The following MFSD8 variants were observed in gnomAD, a reference collection of about 807,000 sequenced individuals.
The protein encoded by MFSD8 is major facilitator superfamily domain-containing protein 8.
In MFSD8, 55 loss-of-function variants were observed where a neutral mutation model predicts 66.4. The observed-to-expected ratio is 0.83, with a 90% CI of 0.67 to 1.04. The LOEUF (loss-of-function observed/expected upper bound fraction) is 1.04. Among genes scored for constraint, MFSD8 ranks in the 50% least tolerant of loss-of-function variants. MFSD8 has a pLI of 0.00. For missense variants in MFSD8, 550 were observed against 627.6 expected, an observed-to-expected ratio of 0.88 and a Z score of 1.32; for synonymous variants, 202 against 212.8, an observed-to-expected ratio of 0.95 and a Z score of 0.44.
intron 7 of MFSD8, among the ~76,000 whole-genome samples, chr4:127,935,654 T>C (rs1427573495): frequency 2.0e-5 from 3 of 152,206 alleles, no homozygotes; most frequent in Non-Finnish European, 4.4e-5. Context: ...ACACTACATC[T>C]TCTCTAAACT....
At chr4:127,964,912 G>A (rs2149006910) in intron 1 of MFSD8, 160 bp downstream of exon 1, 2 of 832,032 alleles carry the variant, frequency 2.4e-6, no homozygotes, top group African/African-American at 1.7e-5. Flanking sequence ...CTCCTACGTT[G>A]GGAGCGAATC....
At chr4:127,961,754 GAGCTTGC>G (rs1162543953) in intron 1 of MFSD8, among the ~76,000 whole-genome samples, 2 of 147,116 alleles carry the variant, frequency 1.4e-5, no homozygotes, top group African/African-American at 5.0e-5. Context: ...CCGGGAGGCG[GAGCTTGC>G]AGTGAGCCGA....
In MFSD8 at chr4:127,957,607, GA is replaced by G. The variant is rs749859985; in HGVS notation, c.63-16del. The stretch of plus-strand genomic sequence containing the variant: ...TGTCCCATTCTCTAGGTGTAAAGAA[GA>G]AAAAAGTAGTATAAATTTATCTCAT... On this transcript the variant is annotated splice_polypyrimidine_tract_variant and intron_variant, in intron 1 of 11. Transcript: ENST00000641686. 49 of 1,533,666 alleles carry G rather than the reference GA, an allele frequency of 3.2e-5. No individual in the cohort carries two copies. Among genetic ancestry groups the G allele is most frequent in the Non-Finnish European group, 4.3e-5 (48 of 1,110,936 alleles).
intron 2 of MFSD8, 34 bp from the exon 3 acceptor site, chr4:127,949,881 T>C (rs182059984): frequency 5.4e-5 from 84 of 1,556,652 alleles, no homozygotes; most frequent in Admixed American, 6.9e-5. Context: ...TTTATACTTA[T>C]AATAATTTAA....
intron 2 of MFSD8, among the ~76,000 whole-genome samples, chr4:127,951,148 A>C (rs1741887023): frequency 6.6e-6 from 1 of 152,208 alleles, no homozygotes; most frequent in African/African-American, 2.4e-5. Context: ...CATTTAAAGT[A>C]TACAATTCAA....
intron 9 of MFSD8, among the ~76,000 whole-genome samples, chr4:127,929,852 G>A (rs72920234): frequency 2.2e-3 from 339 of 152,202 alleles, no homozygotes; most frequent in African/African-American, 7.7e-3. Flanking sequence ...TAAAGTGATG[G>A]TATCCCAATT....
chr4:127,934,287 A>C (rs1315507131), intron 7 of MFSD8, among the ~76,000 whole-genome samples: 1 of 152,152 alleles, frequency 6.6e-6, no homozygotes, highest in African/African-American at 2.4e-5. Context: ...AAAGATCCTT[A>C]TGTTATCATT....
At chr4:127,921,451 G>A in intron 11 of MFSD8, 73 bp downstream of exon 11, 1 of 1,609,744 alleles carries the variant, frequency 6.2e-7, no homozygotes, top group Middle Eastern at 2.1e-4. Context: ...TAAAAATAGA[G>A]AATGGCAGCA....
At chr4:127,943,008 G>A (rs1740452377) in intron 4 of MFSD8, among the ~76,000 whole-genome samples, 1 of 152,100 alleles carries the variant, frequency 6.6e-6, no homozygotes. Flanking sequence ...CACGAGGTCA[G>A]GAGTTCAAGA....
At chr4:127,959,102 G>A (rs2148978320) in intron 1 of MFSD8, among the ~76,000 whole-genome samples, 1 of 152,308 alleles carries the variant, frequency 6.6e-6, no homozygotes, top group Non-Finnish European at 1.5e-5. Flanking sequence ...CCCAGTAGTG[G>A]GATGTCCTGG....
Position 127,943,989 on chromosome 4 carries a change from C to T in MFSD8, c.202G>A (p.Asp68Asn). 1 of 1,614,126 alleles carries T rather than the reference C, an allele frequency of 6.2e-7. No individual in the cohort carries two copies. Among genetic ancestry groups the T allele is most frequent in the African/African-American group, 1.3e-5 (1 of 75,042 alleles). ...MSIWPYLQKI[D>N]PTADTSFLGW... ...AAAAAACTTGTATCAGCTGTCGGAT[C>T]AATCTGCAGAAAAAGGTACAGTGCT... The change falls in exon 4 of 12, where the codon GAT becomes AAT. Residue 68 changes from aspartate (D) to asparagine (N), a missense_variant. By Grantham distance (23) the Asp-to-Asn change is conservative. Coordinates refer to ENST00000641686, the MANE Select transcript of MFSD8 (RefSeq NM_001371596.2).
chr4:127,927,061 A>G (rs1407676074), intron 9 of MFSD8, among the ~76,000 whole-genome samples: 2 of 152,204 alleles, frequency 1.3e-5, no homozygotes, highest in Non-Finnish European at 2.9e-5. Flanking sequence ...TTTATTATAA[A>G]ATACGCTTTG....
chr4:127,940,514 T>C (rs1043544091), intron 5 of MFSD8, among the ~76,000 whole-genome samples: 1 of 92,144 alleles, frequency 1.1e-5, no homozygotes, highest in Non-Finnish European at 2.4e-5. Flanking sequence ...ATTCTGTATA[T>C]GGTATATATA....
intron 7 of MFSD8, among the ~76,000 whole-genome samples, chr4:127,936,651 TTTAA>T (rs1282936230): frequency 5.9e-5 from 9 of 152,018 alleles, no homozygotes; most frequent in African/African-American, 2.2e-4. Context: ...ATTATTAAAA[TTTAA>T]TTGGGCATTC....
At position 127,918,145 on chromosome 4, in the gene MFSD8, A is replaced by G. The variant is rs1013690723; in HGVS notation, c.*2485T>C. On this transcript the variant is annotated 3_prime_UTR_variant, in exon 12 of 12. Coordinates refer to ENST00000641686, the MANE Select transcript of MFSD8 (RefSeq NM_001371596.2). ...CAAGTTTAAATTTGTTTTCAAAAAC[A>G]TATTTTCTCTTCTTAAATATGTACT... The G allele has an allele frequency of 2.0e-4, 30 of 152,346 alleles. No individual in the cohort carries two copies. Among genetic ancestry groups the G allele is most frequent in the African/African-American group, 6.7e-4 (28 of 41,578 alleles). 9.4% of individuals were successfully genotyped at this position (152,346 alleles called of 1,614,324 possible). A position where few individuals can be genotyped will look rare whatever the true frequency, so the allele number is the denominator to read the frequency against.
At chr4:127,923,561 A>AT (rs1368559875) in intron 9 of MFSD8, among the ~76,000 whole-genome samples, 2 of 138,858 alleles carry the variant, frequency 1.4e-5, no homozygotes, top group African/African-American at 5.5e-5. Flanking sequence ...ATTTATTATT[A>AT]TTATTATTAT....
chr4:127,962,978 A>C (rs965245272), intron 1 of MFSD8, among the ~76,000 whole-genome samples: 13 of 152,218 alleles, frequency 8.5e-5, no homozygotes, highest in Admixed American at 2.6e-4. Flanking sequence ...AGTTTAACTG[A>C]ATTTATTAAT....
At chr4:127,938,509 G>A (rs537996191) in intron 7 of MFSD8, among the ~76,000 whole-genome samples, 51 of 151,384 alleles carry the variant, frequency 3.4e-4, no homozygotes, top group Admixed American at 5.9e-4. Flanking sequence ...CATGAACCCC[G>A]GAGGCAGAGC....
At position 127,943,956 on chromosome 4, in the gene MFSD8, C is replaced by A. The variant is rs749244700; in HGVS notation, c.235G>T (p.Val79Phe). The change falls in exon 4 of 12, where the codon GTT (valine) becomes TTT (phenylalanine). Residue 79 changes from valine to phenylalanine, a missense_variant. Physicochemically the swap from Val to Phe is conservative, Grantham distance 50. Coordinates refer to ENST00000641686, the MANE Select transcript of MFSD8 (RefSeq NM_001371596.2). ...TGGCCAAGACTATATGAAGCAATAA[C>A]CCAGCCCAAAAAACTTGTATCAGCT... The part of the protein sequence containing the change: ...PTADTSFLGW[V>F]IASYSLGQMV... 3 of 1,614,130 alleles carry A rather than the reference C, an allele frequency of 1.9e-6. No homozygotes were observed. In the South Asian group the frequency reaches 3.3e-5, roughly 18 times the overall value.
Sources: allele counts gnomAD v4.1 joint callset (sites outside exome capture counted in the v4.1 genomes callset), GRCh38; gene constraint gnomAD v4.1.1; transcripts MANE v1.5; gene names NCBI Gene and HGNC (gene_info 2026-07-23, HGNC 2026-07-21).